The following GRID2 variants were observed in gnomAD, a reference collection of about 807,000 sequenced individuals.
GRID2 encodes glutamate receptor ionotropic, delta-2.
Under a neutral mutation model 114.8 loss-of-function variants are expected in GRID2, and 33 were observed. That is an observed-to-expected ratio of 0.29 (90% confidence interval 0.22 to 0.38). GRID2 has a LOEUF of 0.38. Among genes scored for constraint, GRID2 ranks in the 10% least tolerant of loss-of-function variants. The pLI, the probability that GRID2 is intolerant of heterozygous loss-of-function variation, is 1.00. For synonymous variants in GRID2, 505 were observed against 449.9 expected, an observed-to-expected ratio of 1.12 and a Z score of -1.55; for missense variants, 1,184 against 1,257.7, an observed-to-expected ratio of 0.94 and a Z score of 0.89.
intron 10 of GRID2, among the ~76,000 whole-genome samples, chr4:93,445,156 G>A (rs1721980272): frequency 6.6e-6 from 1 of 152,032 alleles, no homozygotes; most frequent in Admixed American, 6.6e-5. Context: ...CTTTCTTCTG[G>A]CTGGAATGTT....
At chr4:92,578,733 AATCTATCTATCT>A (rs75145260) in intron 1 of GRID2, among the ~76,000 whole-genome samples, 94 of 149,452 alleles carry the variant, frequency 6.3e-4, no homozygotes, top group Non-Finnish European at 1.2e-3. Context: ...TCTATCTATC[AATCTATCTATCT>A]ATCTATCTAT....
At chr4:93,056,463 G>A (rs1014816138) in intron 2 of GRID2, among the ~76,000 whole-genome samples, 1 of 151,418 alleles carries the variant, frequency 6.6e-6, no homozygotes, top group African/African-American at 2.4e-5. Flanking sequence ...ATGCTGCATA[G>A]ACTAGAAAAA....
intron 11 of GRID2, among the ~76,000 whole-genome samples, chr4:93,476,345 T>G (rs1056446493): frequency 3.2e-4 from 48 of 152,144 alleles, no homozygotes; most frequent in African/African-American, 1.2e-3. Flanking sequence ...ATAAATTGTC[T>G]TTTAAAATTG....
chr4:92,542,547 C>T (rs1201922972), intron 1 of GRID2, among the ~76,000 whole-genome samples: 4 of 151,574 alleles, frequency 2.6e-5, no homozygotes, highest in African/African-American at 9.7e-5. Context: ...AAACAAACAT[C>T]GTATGTTCTC....
chr4:92,866,101 C>T (rs1249005522), intron 2 of GRID2, among the ~76,000 whole-genome samples: 2 of 152,134 alleles, frequency 1.3e-5, no homozygotes, highest in African/African-American at 2.4e-5. Flanking sequence ...TCTCTTGGTC[C>T]GGCACCCTGT....
At chr4:93,302,552 G>A (rs2149170362) in intron 8 of GRID2, 2 of 455,994 alleles carry the variant, frequency 4.4e-6, no homozygotes, top group Middle Eastern at 3.3e-4. Context: ...ACATACATAT[G>A]TACGCACAAC....
At chr4:93,316,336 G>GAAAGAAAGAAAA in intron 8 of GRID2, among the ~76,000 whole-genome samples, 1 of 53,336 alleles carries the variant, frequency 1.9e-5, no homozygotes, top group Non-Finnish European at 4.2e-5. Context: ...AAGAAAGAAA[G>GAAAGAAAGAAAA]AAAGAAGGAA....
At chr4:92,749,240 G>A (rs1413182028) in intron 2 of GRID2, among the ~76,000 whole-genome samples, 3 of 150,908 alleles carry the variant, frequency 2.0e-5, no homozygotes, top group African/African-American at 7.3e-5. Context: ...TTGACCTCGT[G>A]ATCTGCCCGC....
intron 8 of GRID2, among the ~76,000 whole-genome samples, chr4:93,250,971 G>A (rs1046145703): frequency 2.6e-5 from 4 of 151,722 alleles, no homozygotes; most frequent in Non-Finnish European, 4.4e-5. Context: ...ATTTTTACTA[G>A]GACCTTAAAC....
At chr4:92,362,882 A>C (rs1728683612) in intron 1 of GRID2, among the ~76,000 whole-genome samples, 1 of 152,006 alleles carries the variant, frequency 6.6e-6, no homozygotes, top group Non-Finnish European at 1.5e-5. Flanking sequence ...CCTGTGTAGT[A>C]GATATTATTT....
At chr4:93,796,915 A>C (rs1734814713) in intron 1 of GRID2, among the ~76,000 whole-genome samples, 1 of 152,108 alleles carries the variant, frequency 6.6e-6, no homozygotes, top group Non-Finnish European at 1.5e-5. Flanking sequence ...ATCATTTAAC[A>C]ATGGGGTACG....
chr4:93,124,015 G>A (rs528699547), intron 4 of GRID2, among the ~76,000 whole-genome samples: 8 of 149,824 alleles, frequency 5.3e-5, no homozygotes, highest in South Asian at 4.2e-4. Context: ...TAGATGACAC[G>A]TTAGTGGGTG....
At chr4:93,752,507 A>G (rs914455210) in intron 14 of GRID2, among the ~76,000 whole-genome samples, 4 of 152,038 alleles carry the variant, frequency 2.6e-5, no homozygotes, top group African/African-American at 7.2e-5. Flanking sequence ...AGTAGCTGGG[A>G]CTACAGGCAC....
chr4:92,427,796 TTCTTA>T (rs749115711), intron 1 of GRID2, among the ~76,000 whole-genome samples: 2 of 152,120 alleles, frequency 1.3e-5, no homozygotes, highest in Non-Finnish European at 2.9e-5. Flanking sequence ...TTTATAGATT[TTCTTA>T]TCTTAATGAA....
At chr4:93,565,939 A>T (rs1735367001) in intron 13 of GRID2, among the ~76,000 whole-genome samples, 1 of 152,178 alleles carries the variant, frequency 6.6e-6, no homozygotes, top group Non-Finnish European at 1.5e-5. Flanking sequence ...AGAGTATGAA[A>T]ACTTTGGTGG....
chr4:92,607,834 C>T (rs1473151576), intron 2 of GRID2, among the ~76,000 whole-genome samples: 1 of 151,802 alleles, frequency 6.6e-6, no homozygotes, highest in East Asian at 1.9e-4. Context: ...AGCACTCTAC[C>T]TCTTCCAAAG....
In GRID2 at chr4:92,495,041, T is replaced by A. The variant is rs567127641; in HGVS notation, c.89-95090T>A. On this transcript the variant is annotated intron_variant, in intron 1 of 15. Transcript: ENST00000282020. ...AAACTTTGTTCAAATATACAGAAAG[T>A]GAAAAGTATTTAAAAATCACTTTTG... is the stretch of plus-strand genomic sequence containing the variant. Among the ~76,000 whole-genome samples the A allele has an allele frequency of 8.5e-5, 13 of 152,106 alleles. No individual in the cohort carries two copies. The South Asian group carries it at 2.5e-3, about 29-fold the overall frequency.
At chr4:93,405,933 T>C (rs1766368115) in intron 9 of GRID2, among the ~76,000 whole-genome samples, 1 of 152,294 alleles carries the variant, frequency 6.6e-6, no homozygotes, top group East Asian at 1.9e-4. Context: ...TTAGTAGCTA[T>C]TAAAGCTTAC....
intron 2 of GRID2, among the ~76,000 whole-genome samples, chr4:92,837,500 T>C (rs999790960): frequency 6.6e-6 from 1 of 151,140 alleles, no homozygotes; most frequent in African/African-American, 2.4e-5. Flanking sequence ...AAAGGCCATG[T>C]ACATTTTTAC....
Sources: allele counts gnomAD v4.1 joint callset (sites outside exome capture counted in the v4.1 genomes callset), GRCh38; gene constraint gnomAD v4.1.1; transcripts MANE v1.5; gene names NCBI Gene and HGNC (gene_info 2026-07-23, HGNC 2026-07-21).